PTGIS: variants seen among roughly 807,000 people sequenced by gnomAD.
PTGIS encodes prostacyclin synthase.
A neutral mutation model predicts 50.3 loss-of-function variants in PTGIS; 45 were observed. The observed-to-expected ratio is 0.90, with a 90% CI of 0.70 to 1.15. The LOEUF (loss-of-function observed/expected upper bound fraction) is 1.15, where lower values mean the gene tolerates loss of function less well. Among genes scored for constraint, PTGIS ranks in the 50% most tolerant of loss-of-function variants. The pLI, the probability that PTGIS is intolerant of heterozygous loss-of-function variation, is 0.00. For synonymous variants in PTGIS, 260 were observed against 267.7 expected (o/e 0.97, Z 0.28); for missense variants, 668 against 661.3 (o/e 1.01, Z -0.11).
chr20:49,513,049 C>T (rs1223510733), intron 8 of PTGIS, 31 bp downstream of exon 8: 2 of 1,613,394 alleles, frequency 1.2e-6, no homozygotes. Flanking sequence ...CTCCCACAGA[C>T]CCCATATGAC....
At chr20:49,544,269 G>A (rs745764671) in intron 4 of PTGIS, 36 bp downstream of exon 4, 3 of 1,612,722 alleles carry the variant, frequency 1.9e-6, no homozygotes, top group Admixed American at 1.7e-5. Context: ...CAAAGTGCCG[G>A]GCCCCAGCAG....
At chr20:49,555,383 A>C (rs918813551) in intron 1 of PTGIS, among the ~76,000 whole-genome samples, 2 of 152,188 alleles carry the variant, frequency 1.3e-5, no homozygotes, top group African/African-American at 4.8e-5. Flanking sequence ...TTGTGATGTC[A>C]AGTGTTTTAA....
intron 5 of PTGIS, among the ~76,000 whole-genome samples, chr20:49,524,471 T>G (rs1981742622): frequency 6.6e-6 from 1 of 152,176 alleles, no homozygotes; most frequent in Non-Finnish European, 1.5e-5. Flanking sequence ...GGGTCTTGTC[T>G]CCTGCAGGTG....
intron 9 of PTGIS, among the ~76,000 whole-genome samples, chr20:49,509,878 T>G (rs1381730051): frequency 7.6e-6 from 1 of 132,220 alleles, no homozygotes; most frequent in Non-Finnish European, 1.5e-5. Context: ...TCTTTCTTTC[T>G]TTCTTTTTTT....
chr20:49,524,342 C>T, intron 5 of PTGIS, 103 bp from the exon 6 acceptor site: 3 of 1,347,492 alleles, frequency 2.2e-6, no homozygotes, highest in Non-Finnish European at 3.1e-6. Flanking sequence ...TTCTGAATGT[C>T]ACTCATTGAG....
chr20:49,511,391 G>GA (rs1981316455), intron 8 of PTGIS, among the ~76,000 whole-genome samples: 1 of 152,148 alleles, frequency 6.6e-6, no homozygotes, highest in Non-Finnish European at 1.5e-5. Flanking sequence ...GTTGTTGAGT[G>GA]AAAAAAGCAA....
intron 1 of PTGIS, among the ~76,000 whole-genome samples, chr20:49,554,349 T>G (rs1982576603): frequency 6.6e-6 from 1 of 152,226 alleles, no homozygotes; most frequent in African/African-American, 2.4e-5. Context: ...TCTAAATTGT[T>G]CTGTGTTTTG....
chr20:49,532,362 G>T (rs1981955291), intron 5 of PTGIS, among the ~76,000 whole-genome samples: 1 of 152,136 alleles, frequency 6.6e-6, no homozygotes, highest in South Asian at 2.1e-4. Context: ...GGTCAAAAGA[G>T]AATTTTCCTT....
intron 9 of PTGIS, among the ~76,000 whole-genome samples, chr20:49,509,669 T>C (rs1182622208): frequency 1.3e-5 from 2 of 152,136 alleles, no homozygotes; most frequent in Admixed American, 6.5e-5. Context: ...AATATACACA[T>C]GCACACAACT....
intron 5 of PTGIS, among the ~76,000 whole-genome samples, chr20:49,534,494 T>G (rs1226156175): frequency 6.6e-6 from 1 of 152,048 alleles, no homozygotes; most frequent in Non-Finnish European, 1.5e-5. Flanking sequence ...TGGGGGGAGT[T>G]CCTCTGCGTC....
chr20:49,558,592 T>C (rs1329444774), intron 1 of PTGIS, among the ~76,000 whole-genome samples: 1 of 152,210 alleles, frequency 6.6e-6, no homozygotes, highest in Admixed American at 6.5e-5. Context: ...TACAAATGTA[T>C]ACACTATTAT....
At position 49,539,610 on chromosome 20, in the gene PTGIS, G is replaced by A. The variant is rs893052632; in HGVS notation, c.633C>T (p.Asp211=). Reference sequence around the variant, plus strand: ...CACGGGCCAGTTTGGGGAGCAGCCGGTCGAGCTGGCGAAAGGTGTGGAAGA... The same window carrying A: ...CACGGGCCAGTTTGGGGAGCAGCCGATCGAGCTGGCGAAAGGTGTGGAAGA... ...ADVFHTFRQL[D]RLLPKLARGS... Residue 211 remains aspartate, a synonymous_variant, in exon 5 of 10, where the codon GAC becomes GAT. Transcript: ENST00000244043. The A allele has an allele frequency of 1.8e-5, 29 of 1,613,934 alleles. No individual in the cohort carries two copies. The highest frequency in any genetic ancestry group is 2.4e-5 in the Non-Finnish European group (28 of 1,180,016).
intron 8 of PTGIS, among the ~76,000 whole-genome samples, 181 bp from the exon 9 acceptor site, chr20:49,511,360 T>C (rs1348674747): frequency 1.3e-5 from 2 of 152,216 alleles, no homozygotes; most frequent in Non-Finnish European, 2.9e-5. Context: ...TGTACTGACA[T>C]GGAAAGAATT....
rs1196518240 is a variant in PTGIS, at chr20:49,507,841, C to A, written c.*79G>T. 1 of 1,587,948 alleles carries A rather than the reference C, an allele frequency of 6.3e-7. No homozygotes were observed. Among genetic ancestry groups the A allele is most frequent in the Non-Finnish European group, 8.5e-7 (1 of 1,170,724 alleles). ...AGCACCTGCACCCGGGCCAACTGTG[C>A]ACACAGAAAGCTGGGAGGCTGGGGC... is the stretch of plus-strand genomic sequence containing the variant. On this transcript the variant is annotated 3_prime_UTR_variant, in exon 10 of 10. Transcript: ENST00000244043.
chr20:49,549,504 T>A (rs1294521451), intron 2 of PTGIS, among the ~76,000 whole-genome samples: 1 of 152,206 alleles, frequency 6.6e-6, no homozygotes, highest in Non-Finnish European at 1.5e-5. Flanking sequence ...GGGGGCCAAC[T>A]GTATACAGAT....
At chr20:49,514,543 C>T in intron 6 of PTGIS, 148 bp from the exon 7 acceptor site, 1 of 1,039,240 alleles carries the variant, frequency 9.6e-7, no homozygotes, top group Non-Finnish European at 1.4e-6. Flanking sequence ...TGTCTATCTC[C>T]AGCCTCAGGA....
intron 5 of PTGIS, among the ~76,000 whole-genome samples, chr20:49,539,196 C>G (rs951023054): frequency 6.6e-6 from 1 of 152,068 alleles, no homozygotes; most frequent in Non-Finnish European, 1.5e-5. Context: ...GAAAGTGGAG[C>G]GCTCTTTTAT....
intron 6 of PTGIS, among the ~76,000 whole-genome samples, chr20:49,519,817 C>T (rs1162551529): frequency 6.6e-6 from 1 of 151,702 alleles, no homozygotes; most frequent in African/African-American, 2.4e-5. Context: ...TCCTTGATGG[C>T]CTCCCCCAAG....
intron 1 of PTGIS, among the ~76,000 whole-genome samples, chr20:49,566,950 A>G (rs1329043346): frequency 6.6e-6 from 1 of 152,230 alleles, no homozygotes; most frequent in Non-Finnish European, 1.5e-5. Context: ...AATAGGGAAA[A>G]CGGGGTGAGA....
Sources: allele counts gnomAD v4.1 joint callset (sites outside exome capture counted in the v4.1 genomes callset), GRCh38; gene constraint gnomAD v4.1.1; transcripts MANE v1.5; gene names NCBI Gene and HGNC (gene_info 2026-07-23, HGNC 2026-07-21).